The following CNTN3 variants were observed in gnomAD, a reference collection of about 807,000 sequenced individuals.
The protein encoded by CNTN3 is contactin 3.
A neutral mutation model predicts 119.1 loss-of-function variants in CNTN3; 60 were observed. The ratio of observed to expected loss-of-function variants is 0.50; its 90% confidence interval spans 0.41 to 0.62. The LOEUF is 0.62. Among genes scored for constraint, CNTN3 ranks in the 20% least tolerant of loss-of-function variants. The pLI is 0.00. For missense variants in CNTN3, 1,101 were observed against 1,242.4 expected, an observed-to-expected ratio of 0.89 and a Z score of 1.71; for synonymous variants, 450 against 438.7, an observed-to-expected ratio of 1.03 and a Z score of -0.32.
chr3:74,318,509 G>A (rs1156337913), intron 13 of CNTN3, among the ~76,000 whole-genome samples: 2 of 152,174 alleles, frequency 1.3e-5, no homozygotes, highest in Non-Finnish European at 2.9e-5. Flanking sequence ...GTACAGAGGG[G>A]TTTTTGGTGT....
intron 4 of CNTN3, among the ~76,000 whole-genome samples, chr3:74,478,680 C>A (rs1241101013): frequency 6.6e-6 from 1 of 152,106 alleles, no homozygotes; most frequent in Non-Finnish European, 1.5e-5. Flanking sequence ...TCTGCTCAGG[C>A]ACATCTAAGT....
chr3:74,388,694 TC>T (rs903927519), intron 5 of CNTN3, among the ~76,000 whole-genome samples: 24 of 152,254 alleles, frequency 1.6e-4, no homozygotes, highest in African/African-American at 5.8e-4. Context: ...TCACAGGGCA[TC>T]CCACAAAATT....
chr3:74,463,815 G>T (rs1235327909), intron 4 of CNTN3, among the ~76,000 whole-genome samples: 1 of 152,100 alleles, frequency 6.6e-6, no homozygotes, highest in East Asian at 1.9e-4. Flanking sequence ...AGTCTTCCGT[G>T]TTGTCCACCA....
chr3:74,373,106 T>C (rs984851457), intron 5 of CNTN3, among the ~76,000 whole-genome samples: 2 of 152,242 alleles, frequency 1.3e-5, no homozygotes, highest in African/African-American at 4.8e-5. Flanking sequence ...CAGTCAGTCA[T>C]GTGATAAGTT....
chr3:74,571,471 C>A (rs995962493), intron 1 of CNTN3, among the ~76,000 whole-genome samples: 1 of 152,142 alleles, frequency 6.6e-6, no homozygotes, highest in African/African-American at 2.4e-5. Flanking sequence ...GATTGTGGAA[C>A]CCTGGATACG....
At chr3:74,580,482 A>T (rs1334637244) in intron 1 of CNTN3, among the ~76,000 whole-genome samples, 3 of 152,170 alleles carry the variant, frequency 2.0e-5, no homozygotes, top group African/African-American at 7.2e-5. Flanking sequence ...AAGTCCCTTG[A>T]AGTCCTAAAA....
At chr3:74,601,893 TCTC>T in intron 1 of CNTN3, among the ~76,000 whole-genome samples, 2 of 152,180 alleles carry the variant, frequency 1.3e-5, no homozygotes, top group East Asian at 3.9e-4. Context: ...TCAGGGAGCT[TCTC>T]CTTCAGAATC....
chr3:74,409,124 T>C (rs574322034), intron 5 of CNTN3, among the ~76,000 whole-genome samples: 1 of 152,310 alleles, frequency 6.6e-6, no homozygotes, highest in South Asian at 2.1e-4. Context: ...AAGAAGGCCA[T>C]TCACCTGAGG....
chr3:74,275,398 A>G (rs1414225933), intron 20 of CNTN3, among the ~76,000 whole-genome samples: 1 of 152,212 alleles, frequency 6.6e-6, no homozygotes, highest in Non-Finnish European at 1.5e-5. Context: ...GCTGTGAGAC[A>G]AAAGCACCAG....
chr3:74,287,433 T>C (rs1702136549), intron 19 of CNTN3, among the ~76,000 whole-genome samples: 1 of 152,196 alleles, frequency 6.6e-6, no homozygotes, highest in Non-Finnish European at 1.5e-5. Flanking sequence ...TAAAATGGCA[T>C]TGTTCAGCCA....
intron 1 of CNTN3, among the ~76,000 whole-genome samples, chr3:74,599,546 C>T (rs1281831155): frequency 2.0e-5 from 3 of 152,086 alleles, no homozygotes; most frequent in African/African-American, 4.8e-5. Context: ...GAGCATGCCA[C>T]ATGTAGATCC....
At chr3:74,546,869 T>C (rs554124980) in intron 1 of CNTN3, among the ~76,000 whole-genome samples, 82 of 152,324 alleles carry the variant, frequency 5.4e-4, no homozygotes, top group Non-Finnish European at 1.1e-3. Flanking sequence ...CCCTGGCTAA[T>C]ACACAGTCAA....
intron 4 of CNTN3, among the ~76,000 whole-genome samples, chr3:74,460,281 T>C (rs1029015417): frequency 7.9e-5 from 12 of 152,018 alleles, no homozygotes; most frequent in East Asian, 3.9e-4. Context: ...GTTTTTTATA[T>C]CCAATAACAA....
At chr3:74,436,724 G>A (rs1701872646) in intron 4 of CNTN3, among the ~76,000 whole-genome samples, 1 of 152,260 alleles carries the variant, frequency 6.6e-6, no homozygotes, top group South Asian at 2.1e-4. Flanking sequence ...AGATAAAAGA[G>A]ATTGGGCAAG....
chr3:74,575,658 C>A (rs1425252354), intron 1 of CNTN3, among the ~76,000 whole-genome samples: 1 of 133,520 alleles, frequency 7.5e-6, no homozygotes, highest in East Asian at 2.2e-4. Flanking sequence ...AAACTACACA[C>A]CCAGGGCTTT....
intron 5 of CNTN3, among the ~76,000 whole-genome samples, chr3:74,398,628 T>C (rs1156498134): frequency 6.6e-6 from 1 of 152,212 alleles, no homozygotes; most frequent in Non-Finnish European, 1.5e-5. Flanking sequence ...CCATGTTTTT[T>C]GTCTAAATTT....
At chr3:74,326,397 T>C (rs1035825843) in intron 13 of CNTN3, among the ~76,000 whole-genome samples, 2 of 152,196 alleles carry the variant, frequency 1.3e-5, no homozygotes, top group Non-Finnish European at 2.9e-5. Flanking sequence ...TAGATATATG[T>C]ATGAGATATA....
chr3:74,557,159 TTTTTC>T (rs1704081781), intron 1 of CNTN3, among the ~76,000 whole-genome samples: 1 of 152,192 alleles, frequency 6.6e-6, no homozygotes, highest in Non-Finnish European at 1.5e-5. Context: ...ATTTTTCTCT[TTTTTC>T]TTTTGTCACT....
At chr3:74,374,162 T>C (rs1704413250) in intron 5 of CNTN3, among the ~76,000 whole-genome samples, 1 of 152,140 alleles carries the variant, frequency 6.6e-6, no homozygotes, top group South Asian at 2.1e-4. Flanking sequence ...TCCTCAGAAC[T>C]GTGCTGCAGT....
Sources: gnomAD v4.1 joint callset for allele counts (sites outside exome capture counted in the v4.1 genomes callset) on GRCh38, gnomAD v4.1.1 for gene constraint, MANE v1.5 for transcripts, NCBI Gene and HGNC (gene_info 2026-07-23, HGNC 2026-07-21) for gene names.